Variants in COPS8 observed in about 807,000 individuals in gnomAD.
The protein encoded by COPS8 is COP9 signalosome subunit 8.
A neutral mutation model predicts 31.5 loss-of-function variants in COPS8; 11 were observed. The ratio of observed to expected loss-of-function variants is 0.35; its 90% confidence interval spans 0.22 to 0.58. The LOEUF is 0.58. Among genes scored for constraint, COPS8 ranks in the 20% least tolerant of loss-of-function variants. The pLI is 0.83. For synonymous variants in COPS8, 81 were observed against 89.3 expected, an observed-to-expected ratio of 0.91 and a Z score of 0.52; for missense variants, 215 against 255.1, an observed-to-expected ratio of 0.84 and a Z score of 1.07.
intron 7 of COPS8, 30 bp downstream of exon 7, chr2:237,096,899 T>C: frequency 1.4e-6 from 2 of 1,477,868 alleles, no homozygotes; most frequent in Non-Finnish European, 1.9e-6. Context: ...CATTTTTTAA[T>C]GTCTCATTGT....
chr2:237,097,392 C>T (rs1353162378), intron 7 of COPS8, among the ~76,000 whole-genome samples: 8 of 152,028 alleles, frequency 5.3e-5, no homozygotes, highest in Admixed American at 5.2e-4. Flanking sequence ...GTGTCTTTAA[C>T]CTTTACATAG....
At chr2:237,091,922 A>G (rs2106345545) in intron 4 of COPS8, among the ~76,000 whole-genome samples, 1 of 152,330 alleles carries the variant, frequency 6.6e-6, no homozygotes, top group East Asian at 1.9e-4. Flanking sequence ...CCAATTCGCC[A>G]AAGCAAGAGA....
chr2:237,086,135 G>T, intron 1 of COPS8, 93 bp downstream of exon 1: 2 of 1,232,770 alleles, frequency 1.6e-6, no homozygotes, highest in Non-Finnish European at 2.3e-6. Flanking sequence ...TGAGGCTAGC[G>T]GGCTTTGGGA....
chr2:237,089,723 C>T, intron 3 of COPS8, 139 bp from the exon 4 acceptor site: 1 of 875,086 alleles, frequency 1.1e-6, no homozygotes, highest in Non-Finnish European at 1.7e-6. Flanking sequence ...GTAATTGCAT[C>T]TTTTAAAATA....
chr2:237,087,808 T>C (rs1462521160), intron 2 of COPS8, among the ~76,000 whole-genome samples: 1 of 152,100 alleles, frequency 6.6e-6, no homozygotes, highest in Non-Finnish European at 1.5e-5. Context: ...TGCGTGTGCC[T>C]CTAATCCCAG....
In COPS8 at chr2:237,097,682, A is replaced by C; in HGVS notation, c.570A>C (p.Pro190=). 6.2e-7 allele frequency: 1 copy of C among 1,613,220 alleles called. No individual in the cohort carries two copies. The highest frequency in any genetic ancestry group is 8.5e-7 in the Non-Finnish European group (1 of 1,179,400). The stretch of plus-strand genomic sequence containing the variant: ...ATACAGAGCCTGCTCCAGTTCCCCC[A>C]ATACCCAATGAACAGCAGTTAGCCA... ...IPLSEPAPVP[P]IPNEQQLARL... Residue 190 remains proline, a synonymous_variant, in exon 8 of 8, where the codon CCA becomes CCC. Coordinates refer to ENST00000354371, the MANE Select transcript of COPS8 (RefSeq NM_006710.5).
Position 237,095,881 on chromosome 2 carries a change from C to T in COPS8, c.499C>T (p.Pro167Ser). 1 of 1,610,734 alleles carries T rather than the reference C, an allele frequency of 6.2e-7. No homozygotes were observed. Among genetic ancestry groups the T allele is most frequent in the South Asian group, 1.1e-5 (1 of 91,008 alleles). ...CACAAGAATGGTTCTGCCCAGAAAG[C>T]CAGGTAGGTGGAGCTTTCACCCATT... ...STTRMVLPRK[P>S]VAGALDVSFN... is the part of the protein sequence containing the mutation. Residue 167 changes from proline (P) to serine (S), a missense_variant, in exon 6 of 8, where the codon CCA becomes TCA. Physicochemically the swap from Pro to Ser is moderately conservative, Grantham distance 74. Transcript: ENST00000354371.
chr2:237,096,941 A>ATG (rs768307142), intron 7 of COPS8, 72 bp downstream of exon 7: 15 of 1,027,292 alleles, frequency 1.5e-5, no homozygotes, highest in Non-Finnish European at 2.1e-5. Context: ...ATATATGTAT[A>ATG]TGTGTGTGTG....
chr2:237,096,681 T>G (rs1390966441), intron 6 of COPS8, 141 bp from the exon 7 acceptor site: 1 of 694,646 alleles, frequency 1.4e-6, no homozygotes, highest in African/African-American at 1.8e-5. Flanking sequence ...TAATAAAGAA[T>G]TATAATGGAG....
chr2:237,095,787 C>T, intron 5 of COPS8, 35 bp from the exon 6 acceptor site: 1 of 1,455,186 alleles, frequency 6.9e-7, no homozygotes, highest in Non-Finnish European at 9.7e-7. Context: ...GTGTTTTATT[C>T]TTTCCGGATC....
Position 237,099,937 on chromosome 2 carries a change from A to G in COPS8, c.*2195A>G, listed in dbSNP as rs974570162. 2.0e-5 allele frequency: 3 copies of G among 152,200 alleles called. No homozygotes were observed. Among genetic ancestry groups the G allele is most frequent in the East Asian group, 1.9e-4 (1 of 5,184 alleles). 9.4% of individuals were successfully genotyped at this position (152,200 alleles called of 1,614,324 possible). Reference sequence around the variant, plus strand: ...GACAGTTTGAGCATGAAATATTTGTATATGTGTCTGTTTTTAACTCTTAAT... The same window carrying G: ...GACAGTTTGAGCATGAAATATTTGTGTATGTGTCTGTTTTTAACTCTTAAT... On this transcript the variant is annotated 3_prime_UTR_variant, in exon 8 of 8. Coordinates refer to ENST00000354371, the MANE Select transcript of COPS8 (RefSeq NM_006710.5).
chr2:237,095,884 G>C lies in COPS8; in HGVS notation c.502G>C (p.Val168Leu), dbSNP rs1246101629. Reference protein sequence around the residue: ...TTRMVLPRKPVAGALDVSFNK... With the variant: ...TTRMVLPRKPLAGALDVSFNK... ...AAGAATGGTTCTGCCCAGAAAGCCA[G>C]GTAGGTGGAGCTTTCACCCATTTAC... The change falls in exon 6 of 8, where the codon GTT becomes CTT. Residue 168 changes from valine to leucine, a missense_variant and splice_region_variant. By Grantham distance (32) the Val-to-Leu change is conservative (BLOSUM62 1). Transcript: ENST00000354371. 1.2e-6 allele frequency: 2 copies of C among 1,610,082 alleles called. No homozygotes were observed. Among genetic ancestry groups the C allele is most frequent in the South Asian group, 1.1e-5 (1 of 90,986 alleles).
rs775197908 is a variant in COPS8, at chr2:237,089,906, C to G, written c.243C>G (p.Ile81Met). The G allele has an allele frequency of 3.1e-6, 5 of 1,613,372 alleles. No individual in the cohort carries two copies. The highest frequency in any genetic ancestry group is 2.2e-5 in the East Asian group (1 of 44,866). Reference sequence around the variant, plus strand: ...GAATTTGGTCAGTAGGACAAAGAATCTGGCAGAGAGATTTCCCTGGGATCT... The same window carrying G: ...GAATTTGGTCAGTAGGACAAAGAATGTGGCAGAGAGATTTCCCTGGGATCT... Reference protein sequence around the residue: ...LGGIWSVGQRIWQRDFPGIYT... With the variant: ...LGGIWSVGQRMWQRDFPGIYT... Residue 81 changes from isoleucine (I) to methionine (M), a missense_variant, in exon 4 of 8, where the codon ATC becomes ATG. Coordinates refer to ENST00000354371, the MANE Select transcript of COPS8 (RefSeq NM_006710.5).
At chr2:237,093,828 T>G (rs1012886037) in intron 4 of COPS8, 1 of 1,115,248 alleles carries the variant, frequency 9.0e-7, no homozygotes, top group Non-Finnish European at 1.1e-6. Flanking sequence ...TTGTGTTTAG[T>G]AACCTTTTTC....
At position 237,096,814 on chromosome 2, in the gene COPS8, G is replaced by T. The variant is rs73999622; in HGVS notation, c.503-8G>T. 418 of 1,595,078 alleles carry T rather than the reference G, an allele frequency of 2.6e-4. 1 individual carries two copies. In the East Asian group the frequency reaches 4.9e-3, roughly 19 times the overall value. ...AAATTGAGCTGTACATTTTTTTTTT[G>T]AATTTAGTTGCAGGGGCCCTGGATG... is the stretch of plus-strand genomic sequence containing the variant. On this transcript the variant is annotated splice_polypyrimidine_tract_variant and splice_region_variant and intron_variant, in intron 6 of 7. Transcript: ENST00000354371.
At chr2:237,091,979 A>G (rs7575708) in intron 4 of COPS8, among the ~76,000 whole-genome samples, 1,771 of 152,354 alleles carry the variant, frequency 0.012, 32 homozygotes, top group African/African-American at 0.035. Flanking sequence ...GGCACACAGC[A>G]TGGCTGGGAA....
At chr2:237,095,274 GAT>G (rs1456036046) in intron 5 of COPS8, among the ~76,000 whole-genome samples, 1 of 152,126 alleles carries the variant, frequency 6.6e-6, no homozygotes, top group African/African-American at 2.4e-5. Flanking sequence ...ACCCGTCCCT[GAT>G]GCTAGTGGCT....
intron 4 of COPS8, among the ~76,000 whole-genome samples, chr2:237,091,206 A>AT (rs890465405): frequency 1.6e-4 from 25 of 152,136 alleles, no homozygotes; most frequent in African/African-American, 5.6e-4. Context: ...GAGATTGAGA[A>AT]TTCCTGGCAA....
At position 237,095,871 on chromosome 2, in the gene COPS8, G is replaced by A. The variant is rs939067739; in HGVS notation, c.489G>A (p.Leu163=). ...CTGATTCCACCACAAGAATGGTTCT[G>A]CCCAGAAAGCCAGGTAGGTGGAGCT... ...WQADSTTRMV[L]PRKPVAGALD... is the part of the protein sequence containing the mutation. The change falls in exon 6 of 8, where the codon CTG becomes CTA. Residue 163 remains leucine, a synonymous_variant. Coordinates refer to ENST00000354371, the MANE Select transcript of COPS8 (RefSeq NM_006710.5). 5 of 1,612,670 alleles carry A rather than the reference G, an allele frequency of 3.1e-6. No individual in the cohort carries two copies. In the African/African-American group the frequency reaches 6.7e-5, roughly 22 times the overall value.
Sources: allele counts gnomAD v4.1 joint callset (sites outside exome capture counted in the v4.1 genomes callset), GRCh38; gene constraint gnomAD v4.1.1; transcripts MANE v1.5; gene names NCBI Gene and HGNC (gene_info 2026-07-23, HGNC 2026-07-21).